Variants in HSPA4 observed in about 807,000 individuals in gnomAD.
The protein encoded by HSPA4 is heat shock protein family A (Hsp70) member 4, also known as heat shock 70 kDa protein 4.
A neutral mutation model predicts 106.2 loss-of-function variants in HSPA4; 25 were observed. The observed-to-expected ratio is 0.24, with a 90% CI of 0.17 to 0.33. HSPA4 has a LOEUF of 0.33. HSPA4 is among the 10% of genes least tolerant of loss of function. The probability of loss-of-function intolerance (pLI) is 1.00; values close to 1 mark genes in which losing one functional copy is unlikely to be tolerated. For missense variants in HSPA4, 841 were observed against 996.0 expected (o/e 0.84, Z 2.10); for synonymous variants, 332 against 333.6 (o/e 1.00, Z 0.05).
intron 7 of HSPA4, among the ~76,000 whole-genome samples, chr5:133,081,151 G>A (rs1390177926): frequency 6.6e-6 from 1 of 151,974 alleles, no homozygotes; most frequent in African/African-American, 2.4e-5. Flanking sequence ...GGGTTTAAAT[G>A]ATTCTCATGC....
chr5:133,104,452 C>G lies in HSPA4; in HGVS notation c.*16C>G, dbSNP rs181140417. 1,592 of 1,604,118 alleles carry G rather than the reference C, an allele frequency of 9.9e-4. 12 individuals carry two copies. The highest frequency in any genetic ancestry group is 1.1e-4 in the Non-Finnish European group (128 of 1,171,252). Reference sequence around the variant, plus strand: ...CATTGATTGATTCCAACACTTGTTTCTATTAAAACAGACTATTATAAAGCT... The same window carrying G: ...CATTGATTGATTCCAACACTTGTTTGTATTAAAACAGACTATTATAAAGCT... On this transcript the variant is annotated 3_prime_UTR_variant, in exon 19 of 19. Transcript: ENST00000304858.
chr5:133,073,800 G>A (rs1765414208), intron 5 of HSPA4, among the ~76,000 whole-genome samples, 193 bp from the exon 6 acceptor site: 1 of 152,242 alleles, frequency 6.6e-6, no homozygotes, highest in Non-Finnish European at 1.5e-5. Flanking sequence ...GGAAGTCTAA[G>A]TGAATATCAG....
intron 7 of HSPA4, among the ~76,000 whole-genome samples, chr5:133,077,747 T>A (rs1351442828): frequency 6.6e-6 from 1 of 152,110 alleles, no homozygotes; most frequent in Non-Finnish European, 1.5e-5. Flanking sequence ...GCAAGACTGA[T>A]GGTGTATTTG....
chr5:133,102,574 A>G (rs1471316906), intron 17 of HSPA4, among the ~76,000 whole-genome samples: 6 of 152,196 alleles, frequency 3.9e-5, no homozygotes, highest in Non-Finnish European at 8.8e-5. Context: ...CTTAAGCAAC[A>G]TTCAGGGTCA....
At chr5:133,091,029 CTGA>C in intron 11 of HSPA4, 161 bp from the exon 12 acceptor site, 2 of 717,146 alleles carry the variant, frequency 2.8e-6, no homozygotes. Flanking sequence ...AAAGAGAAAT[CTGA>C]TGATTTAATA....
intron 1 of HSPA4, chr5:133,052,848 G>C (rs1765099243): frequency 6.5e-6 from 1 of 153,292 alleles, no homozygotes; most frequent in African/African-American, 2.4e-5. Context: ...CGTGAGTGGG[G>C]GCGGGGCAGC....
chr5:133,082,539 C>T (rs1418139617), intron 7 of HSPA4, among the ~76,000 whole-genome samples: 1 of 152,156 alleles, frequency 6.6e-6, no homozygotes, highest in East Asian at 1.9e-4. Flanking sequence ...TATCTCCGCT[C>T]ACTGCAGCCT....
intron 7 of HSPA4, among the ~76,000 whole-genome samples, chr5:133,082,870 T>C (rs1765529847): frequency 6.6e-6 from 1 of 152,170 alleles, no homozygotes; most frequent in Non-Finnish European, 1.5e-5. Context: ...GCATGGTGGC[T>C]CACGCCTGTA....
In HSPA4 at chr5:133,080,189, G is replaced by A. The variant is rs182843388; in HGVS notation, c.908+3291G>A. Among the ~76,000 whole-genome samples, 26 of 151,452 alleles carry A rather than the reference G, an allele frequency of 1.7e-4. No individual in the cohort carries two copies. In the East Asian group the frequency reaches 4.5e-3, roughly 26 times the overall value. ...AGCACTTTGGGACGTCGAGGTGGGC[G>A]GATGGCTTGAGCTCAGGAGTTCGAG... On this transcript the variant is annotated intron_variant, in intron 7 of 18. Coordinates refer to ENST00000304858, the MANE Select transcript of HSPA4 (RefSeq NM_002154.4).
intron 16 of HSPA4, among the ~76,000 whole-genome samples, chr5:133,100,751 T>TG (rs1765774921): frequency 6.6e-6 from 1 of 152,238 alleles, no homozygotes; most frequent in Non-Finnish European, 1.5e-5. Context: ...AGGTTGCAGA[T>TG]GCACAAGAAT....
intron 1 of HSPA4, among the ~76,000 whole-genome samples, chr5:133,061,424 G>T (rs1283759403): frequency 3.7e-5 from 5 of 134,394 alleles, no homozygotes; most frequent in Non-Finnish European, 8.1e-5. Context: ...GCCCGGCCGT[G>T]TTTTCTAAGT....
chr5:133,070,778 T>C (rs1311401910), intron 4 of HSPA4, among the ~76,000 whole-genome samples: 3 of 152,132 alleles, frequency 2.0e-5, no homozygotes, highest in Non-Finnish European at 4.4e-5. Context: ...GATGGGCACC[T>C]GTAATCCCAG....
At chr5:133,078,070 C>T (rs1048849179) in intron 7 of HSPA4, among the ~76,000 whole-genome samples, 1 of 152,168 alleles carries the variant, frequency 6.6e-6, no homozygotes, top group Admixed American at 6.5e-5. Context: ...CGGTGGCTCA[C>T]GCCTGTAATC....
chr5:133,070,337 T>A, intron 3 of HSPA4, 37 bp from the exon 4 acceptor site: 2 of 1,577,674 alleles, frequency 1.3e-6, no homozygotes, highest in Non-Finnish European at 1.7e-6. Context: ...AAGAAAGAAA[T>A]ATAATAAGTC....
chr5:133,055,087 T>G (rs1466558017), intron 1 of HSPA4, among the ~76,000 whole-genome samples: 1 of 152,164 alleles, frequency 6.6e-6, no homozygotes, highest in East Asian at 1.9e-4. Flanking sequence ...CTCAAAGACA[T>G]TGTGATATAT....
intron 1 of HSPA4, among the ~76,000 whole-genome samples, chr5:133,056,599 C>T (rs1023921154): frequency 2.0e-5 from 3 of 152,156 alleles, no homozygotes; most frequent in African/African-American, 4.8e-5. Context: ...GGCTCTAACA[C>T]GTTTTCTTCA....
intron 15 of HSPA4, among the ~76,000 whole-genome samples, chr5:133,098,792 C>A (rs923193436): frequency 6.6e-6 from 1 of 152,086 alleles, no homozygotes; most frequent in Non-Finnish European, 1.5e-5. Context: ...TCTGCCTCAG[C>A]CTCCCTAGTA....
At chr5:133,059,963 C>T (rs1765217882) in intron 1 of HSPA4, among the ~76,000 whole-genome samples, 1 of 152,008 alleles carries the variant, frequency 6.6e-6, no homozygotes, top group South Asian at 2.1e-4. Context: ...TTTAAATATT[C>T]TTGTCTTGCT....
chr5:133,066,037 C>T (rs576884933), intron 2 of HSPA4, among the ~76,000 whole-genome samples: 1 of 152,258 alleles, frequency 6.6e-6, no homozygotes. Flanking sequence ...TCACAGTGTT[C>T]GAGATCTTTT....
Sources: gnomAD v4.1 joint callset for allele counts (sites outside exome capture counted in the v4.1 genomes callset) on GRCh38, gnomAD v4.1.1 for gene constraint, MANE v1.5 for transcripts, NCBI Gene and HGNC (gene_info 2026-07-23, HGNC 2026-07-21) for gene names.